Variants in PPP1R12A observed in about 807,000 individuals in gnomAD.
The protein encoded by PPP1R12A is protein phosphatase 1 regulatory subunit 12A.
Under a neutral mutation model 139.6 loss-of-function variants are expected in PPP1R12A, and 19 were observed. That is an observed-to-expected ratio of 0.14 (90% CI 0.09 to 0.20). The LOEUF (loss-of-function observed/expected upper bound fraction) is 0.20, where lower values mean the gene tolerates loss of function less well. Ranked by LOEUF, PPP1R12A falls within the 10% of genes least tolerant of loss-of-function variation. The pLI is 1.00. For missense variants in PPP1R12A, 925 were observed against 1,211.5 expected (o/e 0.76, Z 3.51); for synonymous variants, 427 against 420.6 (o/e 1.02, Z -0.19).
At chr12:79,782,632 C>CA in intron 22 of PPP1R12A, 3 of 413,070 alleles carry the variant, frequency 7.3e-6, no homozygotes, top group East Asian at 7.4e-5. Context: ...AAGAACAAAA[C>CA]AAAAAAAGAA....
chr12:79,786,402 A>G lies in PPP1R12A; in HGVS notation c.2879T>C (p.Leu960Pro). ...GGTGGCCTTTTCCAACTGTAATTTA[A>G]GATCTGTTAGTTCCATATTTGTATC... ...LHDTNMELTD[L>P]KLQLEKATQR... is the part of the protein sequence containing the mutation. The change falls in exon 22 of 25, where the codon CTT (leucine) becomes CCT (proline). Residue 960 changes from leucine (L) to proline (P), a missense_variant. By Grantham distance (98) the Leu-to-Pro change is moderately conservative. This residue lies in a region of PPP1R12A where 315 missense variants were observed against 363.4 expected (regional missense o/e 0.87). Coordinates refer to ENST00000450142, the MANE Select transcript of PPP1R12A (RefSeq NM_002480.3). The G allele has an allele frequency of 6.4e-7, 1 of 1,557,326 alleles. No individual in the cohort carries two copies. Among genetic ancestry groups the G allele is most frequent in the Non-Finnish European group, 8.7e-7 (1 of 1,150,548 alleles).
Position 79,897,932 on chromosome 12 carries a change from C to T in PPP1R12A, c.238-24994G>A, listed in dbSNP as rs1406858401. Among the ~76,000 whole-genome samples the T allele has an allele frequency of 2.0e-5, 3 of 152,216 alleles. No individual in the cohort carries two copies. In the East Asian group the frequency reaches 5.8e-4, roughly 29 times the overall value. ...ACCATTAATTTGCTCTGTTCTCCCA[C>T]ACAGATGCTGTCAAACAATGCTAGG... On this transcript the variant is annotated intron_variant, in intron 1 of 24. Coordinates refer to ENST00000450142, the MANE Select transcript of PPP1R12A (RefSeq NM_002480.3).
chr12:79,879,324 G>A (rs1023006765), intron 1 of PPP1R12A, among the ~76,000 whole-genome samples: 5 of 152,084 alleles, frequency 3.3e-5, no homozygotes, highest in Non-Finnish European at 7.4e-5. Flanking sequence ...CCAAGATCAC[G>A]CTACTGAGCT....
intron 10 of PPP1R12A, among the ~76,000 whole-genome samples, chr12:79,809,215 A>T (rs1266750120): frequency 1.3e-5 from 2 of 152,148 alleles, no homozygotes; most frequent in African/African-American, 4.8e-5. Flanking sequence ...TTCTAAGTAT[A>T]GAAAGAAAAC....
At chr12:79,888,149 T>C (rs1428595385) in intron 1 of PPP1R12A, among the ~76,000 whole-genome samples, 5 of 152,124 alleles carry the variant, frequency 3.3e-5, no homozygotes, top group South Asian at 2.1e-4. Flanking sequence ...ACAGACCAGA[T>C]ACCTGAATTC....
At chr12:79,872,310 A>G (rs543663570) in intron 2 of PPP1R12A, among the ~76,000 whole-genome samples, 4 of 152,330 alleles carry the variant, frequency 2.6e-5, no homozygotes, top group African/African-American at 9.6e-5. Flanking sequence ...GTACCCACAC[A>G]TTAAAGGTAG....
intron 1 of PPP1R12A, among the ~76,000 whole-genome samples, chr12:79,920,825 A>C (rs1033653540): frequency 2.0e-5 from 3 of 152,228 alleles, no homozygotes; most frequent in Non-Finnish European, 4.4e-5. Context: ...AGTTGACCCT[A>C]CAACCTTGGA....
At chr12:79,808,456 G>C in intron 11 of PPP1R12A, 27 bp downstream of exon 11, 2 of 1,417,378 alleles carry the variant, frequency 1.4e-6, no homozygotes, top group Non-Finnish European at 9.9e-7. Flanking sequence ...TATAGTGAAT[G>C]CATAAAGCAA....
intron 3 of PPP1R12A, among the ~76,000 whole-genome samples, chr12:79,843,085 A>G (rs151266726): frequency 2.1e-3 from 321 of 152,232 alleles, no homozygotes; most frequent in African/African-American, 6.3e-3. Context: ...CACTTACCAT[A>G]AAGTCCTCCA....
chr12:79,855,564 T>A (rs1041670445), intron 2 of PPP1R12A, among the ~76,000 whole-genome samples: 1 of 152,196 alleles, frequency 6.6e-6, no homozygotes, highest in Non-Finnish European at 1.5e-5. Flanking sequence ...CTTTCCACAA[T>A]GGCTGATCTA....
intron 9 of PPP1R12A, among the ~76,000 whole-genome samples, chr12:79,815,193 C>T (rs993143266): frequency 6.6e-6 from 1 of 152,044 alleles, no homozygotes; most frequent in Non-Finnish European, 1.5e-5. Flanking sequence ...GGAAGTTTAC[C>T]GTAATCATTT....
At chr12:79,807,680 C>A (rs1317084743) in intron 11 of PPP1R12A, among the ~76,000 whole-genome samples, 2 of 151,738 alleles carry the variant, frequency 1.3e-5, no homozygotes, top group Non-Finnish European at 2.9e-5. Flanking sequence ...ACATAGAAGA[C>A]TGCTTATGAG....
chr12:79,867,047 T>A (rs1192810281), intron 2 of PPP1R12A, among the ~76,000 whole-genome samples: 1 of 152,036 alleles, frequency 6.6e-6, no homozygotes, highest in Non-Finnish European at 1.5e-5. Context: ...CTATTCACAA[T>A]AGAAAAACAC....
rs753961256 is a variant in PPP1R12A, at chr12:79,788,731, G to C, written c.2719C>G (p.Arg907Gly). The change falls in exon 21 of 25, where the codon CGC becomes GGC. Residue 907 changes from arginine to glycine, a missense_variant. Around this residue, in one of 4 missense-constraint regions of PPP1R12A, gnomAD observed 315 missense variants for 363.4 expected, o/e 0.87. Transcript: ENST00000450142. ...AGDRYDSLLG[R>G]SGSYSYLEER... ...TCTAAGTAACTGTATGATCCAGAGCGACCCAGCAAGGAATCATATCGATCA... is the reference window on the plus strand; with the variant it reads ...TCTAAGTAACTGTATGATCCAGAGCCACCCAGCAAGGAATCATATCGATCA... 6.2e-7 allele frequency: 1 copy of C among 1,612,710 alleles called. No homozygotes were observed. Among genetic ancestry groups the C allele is most frequent in the Non-Finnish European group, 8.5e-7 (1 of 1,179,248 alleles).
At chr12:79,781,943 A>T in intron 22 of PPP1R12A, 81 bp from the exon 23 acceptor site, 1 of 707,716 alleles carries the variant, frequency 1.4e-6, no homozygotes, top group Non-Finnish European at 2.3e-6. Context: ...TTTAATAGGT[A>T]TTAAATCACA....
intron 4 of PPP1R12A, among the ~76,000 whole-genome samples, chr12:79,830,692 A>G (rs1877314836): frequency 6.6e-6 from 1 of 152,224 alleles, no homozygotes; most frequent in Non-Finnish European, 1.5e-5. Context: ...TTAATTATGA[A>G]TGAAGTTGAG....
intron 21 of PPP1R12A, 54 bp from the exon 22 acceptor site, chr12:79,786,532 A>AAAATTTC (rs1304722492): frequency 8.8e-7 from 1 of 1,132,776 alleles, no homozygotes; most frequent in African/African-American, 1.6e-5. Context: ...CTATTACTTT[A>AAAATTTC]AAATTTCTCA....
chr12:79,894,780 C>T (rs1884982839), intron 1 of PPP1R12A, among the ~76,000 whole-genome samples: 1 of 152,188 alleles, frequency 6.6e-6, no homozygotes, highest in Non-Finnish European at 1.5e-5. Flanking sequence ...TTACACTCTG[C>T]TGTTACACAA....
chr12:79,933,752 A>G (rs1888432791), intron 1 of PPP1R12A, among the ~76,000 whole-genome samples: 1 of 152,184 alleles, frequency 6.6e-6, no homozygotes, highest in African/African-American at 2.4e-5. Context: ...GTTTCTCCTT[A>G]TTTGGCTAAC....
Sources: allele counts gnomAD v4.1 joint callset (sites outside exome capture counted in the v4.1 genomes callset), GRCh38; gene constraint gnomAD v4.1.1; regional missense constraint gnomAD v4.1.1; transcripts MANE v1.5; gene names NCBI Gene and HGNC (gene_info 2026-07-23, HGNC 2026-07-21).